The following HECW1 variants were observed in gnomAD, a reference collection of about 807,000 sequenced individuals.
The protein encoded by HECW1 is HECT, C2 and WW domain containing E3 ubiquitin protein ligase 1, also known as E3 ubiquitin-protein ligase HECW1.
HECW1 carries 61 observed loss-of-function variants against 182.3 expected under a neutral mutation model. The observed-to-expected ratio is 0.33, with a 90% confidence interval of 0.27 to 0.41. The LOEUF (loss-of-function observed/expected upper bound fraction) is 0.41. Ranked by LOEUF, HECW1 falls within the 10% of genes least tolerant of loss-of-function variation. HECW1 has a pLI of 1.00. For synonymous variants in HECW1, 859 were observed against 832.6 expected, an observed-to-expected ratio of 1.03 and a Z score of -0.55; for missense variants, 1,739 against 2,108.9, an observed-to-expected ratio of 0.82 and a Z score of 3.44.
intron 24 of HECW1, among the ~76,000 whole-genome samples, chr7:43,524,754 C>T (rs1249279078): frequency 6.6e-6 from 1 of 152,138 alleles, no homozygotes; most frequent in Admixed American, 6.5e-5. Flanking sequence ...TGTGGAGACC[C>T]AGGTTTGGGG....
chr7:43,345,244 G>T (rs1813528918), intron 5 of HECW1, among the ~76,000 whole-genome samples: 1 of 152,170 alleles, frequency 6.6e-6, no homozygotes, highest in African/African-American at 2.4e-5. Context: ...TTAACATTAG[G>T]GTAGAGACTT....
intron 6 of HECW1, among the ~76,000 whole-genome samples, chr7:43,382,237 G>T (rs965351651): frequency 6.6e-6 from 1 of 151,630 alleles, no homozygotes; most frequent in Admixed American, 6.6e-5. Flanking sequence ...AGTGAGCCGA[G>T]ATCGCGCCAC....
intron 3 of HECW1, among the ~76,000 whole-genome samples, chr7:43,280,201 C>T (rs986115368): frequency 2.4e-4 from 37 of 152,130 alleles, no homozygotes; most frequent in Non-Finnish European, 2.6e-4. Context: ...CTAGGTAACA[C>T]CAGTGGTGAC....
chr7:43,377,640 AT>A lies in HECW1; in HGVS notation c.555+16668del, dbSNP rs200626702. ...TTGCATATGAATGCACAGAAATAAC[AT>A]TTTTTTTCTCTTTGTGAGTTTTTCC... is the stretch of plus-strand genomic sequence containing the variant. On this transcript the variant is annotated intron_variant, in intron 6 of 29. Coordinates refer to ENST00000395891, the MANE Select transcript of HECW1 (RefSeq NM_015052.5). 6.3e-3 allele frequency: 1,276 copies of A among 201,004 alleles called. 10 individuals are homozygous for A. Among genetic ancestry groups the A allele is most frequent in the Middle Eastern group, 0.026 (15 of 588 alleles). 12.5% of individuals were successfully genotyped at this position (201,004 alleles called of 1,614,324 possible). A position where few individuals can be genotyped will look rare whatever the true frequency, so the allele number is the denominator to read the frequency against.
chr7:43,539,108 T>G (rs1008531495), intron 24 of HECW1, among the ~76,000 whole-genome samples: 1 of 152,240 alleles, frequency 6.6e-6, no homozygotes, highest in East Asian at 1.9e-4. Flanking sequence ...TGAACTATCC[T>G]TATCTAATTG....
chr7:43,147,853 G>A (rs1291848675), intron 2 of HECW1, among the ~76,000 whole-genome samples: 1 of 152,160 alleles, frequency 6.6e-6, no homozygotes, highest in Non-Finnish European at 1.5e-5. Context: ...TTCCCTACTA[G>A]ACAGCACTTA....
intron 2 of HECW1, among the ~76,000 whole-genome samples, chr7:43,174,804 C>T (rs1163947379): frequency 1.3e-5 from 2 of 152,172 alleles, no homozygotes; most frequent in African/African-American, 4.8e-5. Flanking sequence ...CCTTCCTTTA[C>T]CACGTGTGGA....
intron 2 of HECW1, among the ~76,000 whole-genome samples, chr7:43,196,454 AAGTGAACCATGCTTTG>A (rs1794468931): frequency 6.6e-6 from 1 of 152,228 alleles, no homozygotes; most frequent in Admixed American, 6.5e-5. Context: ...CGTTTTGCAT[AAGTGAACCATGCTTTG>A]ATGACAAACA....
rs1264222702 is a variant in HECW1, at chr7:43,308,175, T to TA, written c.28-3588_28-3587insA. ...TATTATATATTTATATATAATATAT[T>TA]TTTATATATTATAATATATTTATAT... On this transcript the variant is annotated intron_variant, in intron 3 of 29. Coordinates refer to ENST00000395891, the MANE Select transcript of HECW1 (RefSeq NM_015052.5). Among the ~76,000 whole-genome samples the TA allele has an allele frequency of 2.7e-4, 28 of 105,504 alleles. 1 individual carries two copies. The highest frequency in any genetic ancestry group is 1.0e-3 in the African/African-American group (25 of 24,842). 69.2% of individuals were successfully genotyped at this position (105,504 alleles called of 152,430 possible).
intron 3 of HECW1, chr7:43,311,539 G>A: frequency 1.4e-6 from 1 of 736,664 alleles, no homozygotes; most frequent in South Asian, 1.4e-5. Context: ...TGGAAACGCA[G>A]GACACCCTGG....
chr7:43,498,805 T>G (rs1429433643), intron 19 of HECW1, among the ~76,000 whole-genome samples: 1 of 152,112 alleles, frequency 6.6e-6, no homozygotes, highest in Non-Finnish European at 1.5e-5. Context: ...TGTCTATCTT[T>G]GTAGAGGCTC....
intron 5 of HECW1, among the ~76,000 whole-genome samples, chr7:43,360,680 G>A (rs187765885): frequency 1.3e-5 from 2 of 152,306 alleles, no homozygotes; most frequent in Non-Finnish European, 2.9e-5. Context: ...ATACAAAAAT[G>A]TTAAGGCCAG....
At chr7:43,486,986 T>C (rs774785159) in intron 17 of HECW1, among the ~76,000 whole-genome samples, 5 of 152,250 alleles carry the variant, frequency 3.3e-5, no homozygotes, top group Non-Finnish European at 7.3e-5. Flanking sequence ...TATTGCCCGC[T>C]TCTTATTATA....
At chr7:43,284,666 A>G (rs1487509184) in intron 3 of HECW1, among the ~76,000 whole-genome samples, 1 of 152,184 alleles carries the variant, frequency 6.6e-6, no homozygotes, top group Non-Finnish European at 1.5e-5. Context: ...TATCTAATGT[A>G]TCCTGTCAAA....
intron 2 of HECW1, among the ~76,000 whole-genome samples, chr7:43,208,899 C>A (rs1795736595): frequency 6.6e-6 from 1 of 152,180 alleles, no homozygotes; most frequent in Non-Finnish European, 1.5e-5. Flanking sequence ...AGGCTGAGGC[C>A]CGGATCTGGC....
chr7:43,157,149 G>A (rs1182918086), intron 2 of HECW1, among the ~76,000 whole-genome samples: 1 of 152,110 alleles, frequency 6.6e-6, no homozygotes. Flanking sequence ...GTATAAAAAA[G>A]TACCACTCAG....
At chr7:43,552,370 C>A in intron 28 of HECW1, 34 bp downstream of exon 28, 1 of 1,247,100 alleles carries the variant, frequency 8.0e-7, no homozygotes, top group Non-Finnish European at 1.2e-6. Context: ...ATGCAATGAT[C>A]ACAAATAGAA....
intron 2 of HECW1, among the ~76,000 whole-genome samples, chr7:43,140,521 C>T (rs973913373): frequency 2.0e-5 from 3 of 152,226 alleles, no homozygotes; most frequent in Non-Finnish European, 4.4e-5. Flanking sequence ...TCGAATCCAT[C>T]GTTTCTGGCC....
intron 22 of HECW1, 152 bp downstream of exon 22, chr7:43,507,409 G>A (rs2079629644): frequency 1.5e-6 from 1 of 682,484 alleles, no homozygotes; most frequent in East Asian, 3.0e-5. Flanking sequence ...TTGGGAAGCT[G>A]GAAGGAAAGA....
Sources: gnomAD v4.1 joint callset for allele counts (sites outside exome capture counted in the v4.1 genomes callset) on GRCh38, gnomAD v4.1.1 for gene constraint, MANE v1.5 for transcripts, NCBI Gene and HGNC (gene_info 2026-07-23, HGNC 2026-07-21) for gene names.